CSNK1G1: variants seen among roughly 807,000 people sequenced by gnomAD.
The protein encoded by CSNK1G1 is casein kinase 1 gamma 1.
CSNK1G1 carries 22 observed loss-of-function variants against 59.6 expected under a neutral mutation model. The ratio of observed to expected loss-of-function variants is 0.37; its 90% CI spans 0.26 to 0.53. CSNK1G1 has a LOEUF of 0.53. CSNK1G1 is among the 20% of genes least tolerant of loss of function. The pLI is 0.89. For synonymous variants in CSNK1G1, 179 were observed against 177.1 expected (o/e 1.01, Z -0.08); for missense variants, 384 against 519.5 (o/e 0.74, Z 2.54).
At position 64,328,887 on chromosome 15, in the gene CSNK1G1, A is replaced by C. The variant is rs1369670773; in HGVS notation, c.-225+27101T>G. On this transcript the variant is annotated intron_variant, in intron 1 of 11. Transcript: ENST00000303052. ...GGGGTTGCAATCCTAGTCTCTGATA[A>C]AACAGACTTTAAACCAACAAAGATC... is the stretch of plus-strand genomic sequence containing the variant. 4.5e-3 allele frequency among the ~76,000 whole-genome samples: 515 copies of C among 115,392 alleles called. 3 individuals carry two copies. Among genetic ancestry groups the C allele is most frequent in the African/African-American group, 0.017 (489 of 28,806 alleles). 75.7% of individuals were successfully genotyped at this position (115,392 alleles called of 152,430 possible).
At chr15:64,186,547 T>C (rs2081898802) in intron 10 of CSNK1G1, among the ~76,000 whole-genome samples, 1 of 152,230 alleles carries the variant, frequency 6.6e-6, no homozygotes. Context: ...TCTTGCTCTG[T>C]CACCCAGGCT....
At chr15:64,234,714 C>A (rs1456336876) in intron 4 of CSNK1G1, among the ~76,000 whole-genome samples, 1 of 152,152 alleles carries the variant, frequency 6.6e-6, no homozygotes, top group African/African-American at 2.4e-5. Context: ...GTAAGCTCTC[C>A]ATTTCCTTGT....
intron 1 of CSNK1G1, among the ~76,000 whole-genome samples, chr15:64,338,478 T>C (rs1202543525): frequency 6.6e-6 from 1 of 151,928 alleles, no homozygotes; most frequent in African/African-American, 2.4e-5. Context: ...GACAGGCAGA[T>C]CACCTGAGGT....
At chr15:64,309,353 A>AC (rs1566942519) in intron 1 of CSNK1G1, among the ~76,000 whole-genome samples, 35 of 130,738 alleles carry the variant, frequency 2.7e-4, no homozygotes, top group South Asian at 1.0e-3. Context: ...CACACACACA[A>AC]ATAAATGAGT....
intron 4 of CSNK1G1, among the ~76,000 whole-genome samples, chr15:64,236,927 G>A (rs1199829175): frequency 5.3e-5 from 8 of 152,108 alleles, no homozygotes; most frequent in Admixed American, 1.3e-4. Context: ...AGAAAATGTG[G>A]TATACATACA....
intron 4 of CSNK1G1, among the ~76,000 whole-genome samples, chr15:64,246,435 A>T (rs1375827369): frequency 2.0e-5 from 3 of 152,112 alleles, no homozygotes; most frequent in Admixed American, 6.5e-5. Context: ...CAGCCTGGTC[A>T]ACATAGTGAG....
At chr15:64,288,550 TTA>T (rs142481097) in intron 2 of CSNK1G1, among the ~76,000 whole-genome samples, 6,810 of 151,360 alleles carry the variant, frequency 0.045, 197 homozygotes, top group South Asian at 0.086. Context: ...CTTTATAAAG[TTA>T]TATATATATA....
rs960068624 is a variant in CSNK1G1, at chr15:64,296,937, C to CTTT, written c.181+3379_181+3381dup. On this transcript the variant is annotated intron_variant, in intron 2 of 11. Transcript: ENST00000303052. Reference sequence around the variant, plus strand: ...AGAGAACCAAAATGCACTATCGTTACTTTTTTTTTTTTTTTTTTTTTTTTG... The same window carrying CTTT: ...AGAGAACCAAAATGCACTATCGTTACTTTTTTTTTTTTTTTTTTTTTTTTTTTG... Among the ~76,000 whole-genome samples, 447 of 89,518 alleles carry CTTT rather than the reference C, an allele frequency of 5.0e-3. 2 individuals are homozygous for CTTT. Among genetic ancestry groups the CTTT allele is most frequent in the African/African-American group, 6.2e-3 (126 of 20,432 alleles). 58.7% of individuals were successfully genotyped at this position (89,518 alleles called of 152,430 possible). A position where few individuals can be genotyped will look rare whatever the true frequency, so the allele number is the denominator to read the frequency against.
rs554091966 is a variant in CSNK1G1, at chr15:64,200,176, C to T, written c.1107+2906G>A. Among the ~76,000 whole-genome samples, 19 of 151,088 alleles carry T rather than the reference C, an allele frequency of 1.3e-4. No individual in the cohort carries two copies. Among genetic ancestry groups the T allele is most frequent in the African/African-American group, 3.9e-4 (16 of 41,094 alleles). On this transcript the variant is annotated intron_variant, in intron 10 of 11. Transcript: ENST00000303052. The surrounding 1 kb of genome is among the most constrained non-coding windows in gnomAD (Gnocchi z 4.3). ...AGAAGAATCGCTTGAACTCAGGAGG[C>T]GGAGGTTGCAGTGAGCCAAGATCAT...
chr15:64,264,405 G>C (rs1172417466), intron 2 of CSNK1G1, among the ~76,000 whole-genome samples: 1 of 152,098 alleles, frequency 6.6e-6, no homozygotes, highest in Non-Finnish European at 1.5e-5. Flanking sequence ...CAAAGAAAAA[G>C]CCCAGGACCT....
chr15:64,270,884 T>C (rs1320978672), intron 2 of CSNK1G1, among the ~76,000 whole-genome samples: 2 of 152,218 alleles, frequency 1.3e-5, no homozygotes, highest in African/African-American at 4.8e-5. Flanking sequence ...CCAAAAGTCA[T>C]TCAGGAGTAG....
chr15:64,285,633 T>C (rs1313025085), intron 2 of CSNK1G1, among the ~76,000 whole-genome samples: 1 of 152,170 alleles, frequency 6.6e-6, no homozygotes, highest in Non-Finnish European at 1.5e-5. Context: ...CCAAACTACC[T>C]GGAATAGTCC....
At chr15:64,193,950 A>C (rs1416752275) in intron 10 of CSNK1G1, 3 of 152,338 alleles carry the variant, frequency 2.0e-5, no homozygotes, top group Non-Finnish European at 2.9e-5. Context: ...TACAGAAAGA[A>C]AAAAACTTTT....
intron 4 of CSNK1G1, among the ~76,000 whole-genome samples, chr15:64,237,427 G>C (rs1285859031): frequency 6.6e-6 from 1 of 152,068 alleles, no homozygotes; most frequent in Admixed American, 6.6e-5. Context: ...TTTCTTCCCA[G>C]GTTATGTAAA....
At chr15:64,256,558 T>C (rs886557030) in intron 3 of CSNK1G1, among the ~76,000 whole-genome samples, 4 of 152,122 alleles carry the variant, frequency 2.6e-5, no homozygotes, top group African/African-American at 9.7e-5. Context: ...GCACTATAAG[T>C]AGAAGGCATT....
chr15:64,186,664 C>T (rs1350410848), intron 10 of CSNK1G1, among the ~76,000 whole-genome samples: 1 of 152,004 alleles, frequency 6.6e-6, no homozygotes, highest in Non-Finnish European at 1.5e-5. Flanking sequence ...CACATAGCAC[C>T]ACACCTAGCC....
At chr15:64,242,343 G>A (rs1233214902) in intron 4 of CSNK1G1, among the ~76,000 whole-genome samples, 1 of 152,108 alleles carries the variant, frequency 6.6e-6, no homozygotes, top group Non-Finnish European at 1.5e-5. Flanking sequence ...TCATGGCGGT[G>A]CTGTCTTCAT....
chr15:64,237,323 A>G (rs895650172), intron 4 of CSNK1G1, among the ~76,000 whole-genome samples: 3 of 152,214 alleles, frequency 2.0e-5, no homozygotes, highest in African/African-American at 7.2e-5. Context: ...TTAGGAGTAT[A>G]GGTAATACCT....
At chr15:64,292,951 C>A (rs540157061) in intron 2 of CSNK1G1, among the ~76,000 whole-genome samples, 1 of 150,146 alleles carries the variant, frequency 6.7e-6, no homozygotes, top group Non-Finnish European at 1.5e-5. Context: ...AAATAAATAT[C>A]ATCTATCTAC....
Sources: gnomAD v4.1 joint callset for allele counts (sites outside exome capture counted in the v4.1 genomes callset) on GRCh38, gnomAD v4.1.1 for gene constraint, Gnocchi (gnomAD v3.1) non-coding constraint, MANE v1.5 for transcripts, NCBI Gene and HGNC (gene_info 2026-07-23, HGNC 2026-07-21) for gene names.